Variants in LRRC18 observed in about 807,000 individuals in gnomAD.
The protein encoded by LRRC18 is leucine rich repeat containing 18.
LRRC18 carries 12 observed loss-of-function variants against 11.2 expected under a neutral mutation model. The ratio of observed to expected loss-of-function variants is 1.07; its 90% CI spans 0.69 to 1.74. The LOEUF (loss-of-function observed/expected upper bound fraction) is 1.74. Among genes scored for constraint, LRRC18 ranks in the 40% most tolerant of loss-of-function variants. The pLI, the probability that LRRC18 is intolerant of heterozygous loss-of-function variation, is 0.00. For synonymous variants in LRRC18, 155 were observed against 130.6 expected, an observed-to-expected ratio of 1.19 and a Z score of -1.27; for missense variants, 374 against 330.5, an observed-to-expected ratio of 1.13 and a Z score of -1.02.
At chr10:48,913,481 C>G (rs148385977) in exon 1 of LRRC18, 1 of 1,535,190 alleles carries the variant, frequency 6.5e-7, no homozygotes, top group Non-Finnish European at 8.8e-7. Flanking sequence ...TGGCCATGTT[C>G]TTGATTCTAT....
chr10:48,915,914 A>G (rs982011687), upstream of LRRC18, among the ~76,000 whole-genome samples: 6 of 152,222 alleles, frequency 3.9e-5, no homozygotes, highest in African/African-American at 1.4e-4. Context: ...CAGAGCCAGC[A>G]CCATGTTCAC....
the LRRC18 span, among the ~76,000 whole-genome samples, chr10:48,920,843 A>G: frequency 1.3e-5 from 2 of 152,228 alleles, no homozygotes; most frequent in African/African-American, 2.4e-5. Context: ...CAAAACACCC[A>G]TTGCATTTCC....
the LRRC18 span, among the ~76,000 whole-genome samples, chr10:48,937,332 C>A: frequency 6.6e-6 from 1 of 152,210 alleles, no homozygotes; most frequent in Non-Finnish European, 1.5e-5. Context: ...AGGTAGCTGG[C>A]ATTTCATACA....
At chr10:48,930,847 A>C in the LRRC18 span, among the ~76,000 whole-genome samples, 1 of 152,222 alleles carries the variant, frequency 6.6e-6, no homozygotes, top group African/African-American at 2.4e-5. Context: ...ATGTCATGTT[A>C]GTGAAAGAAA....
chr10:48,927,013 C>T, the LRRC18 span, among the ~76,000 whole-genome samples: 1 of 152,234 alleles, frequency 6.6e-6, no homozygotes, highest in Non-Finnish European at 1.5e-5. Flanking sequence ...CAACTGCATT[C>T]TCTGGTTCTC....
intron 1 of LRRC18, among the ~76,000 whole-genome samples, chr10:48,912,065 C>G (rs55645343): frequency 0.05 from 7,604 of 152,268 alleles, 236 homozygotes; most frequent in Non-Finnish European, 0.065. Context: ...GGGAAAAAAG[C>G]CTCCCTCAAG....
At chr10:48,927,287 G>T in the LRRC18 span, among the ~76,000 whole-genome samples, 2 of 152,070 alleles carry the variant, frequency 1.3e-5, no homozygotes, top group African/African-American at 2.4e-5. Flanking sequence ...TCATGCCCGT[G>T]TCTTCATAAA....
chr10:48,922,673 C>A, the LRRC18 span, among the ~76,000 whole-genome samples: 1 of 152,106 alleles, frequency 6.6e-6, no homozygotes, highest in Non-Finnish European at 1.5e-5. Context: ...GAACATATCA[C>A]CTGTGGGTAA....
At chr10:48,920,772 A>T in the LRRC18 span, among the ~76,000 whole-genome samples, 2 of 152,246 alleles carry the variant, frequency 1.3e-5, no homozygotes, top group Non-Finnish European at 2.9e-5. Context: ...ACAGAATTTT[A>T]AAAAGATTCT....
the LRRC18 span, among the ~76,000 whole-genome samples, chr10:48,923,681 C>T: frequency 2.6e-5 from 4 of 151,856 alleles, no homozygotes; most frequent in African/African-American, 9.7e-5. Flanking sequence ...TTTATCAACC[C>T]TCTGAGCAAC....
chr10:48,913,652 C>G (rs767039473), exon 1 of LRRC18: 2 of 1,613,678 alleles, frequency 1.2e-6, no homozygotes, highest in Non-Finnish European at 1.7e-6. Context: ...GCTTTTTCAG[C>G]TTGGGGAGCT....
At chr10:48,923,506 A>ATATGTATGTATG in the LRRC18 span, among the ~76,000 whole-genome samples, 2 of 115,168 alleles carry the variant, frequency 1.7e-5, no homozygotes, top group South Asian at 6.7e-4. Flanking sequence ...GTATATATAT[A>ATATGTATGTATG]TATATATGTC....
chr10:48,928,945 C>T, the LRRC18 span, among the ~76,000 whole-genome samples: 6 of 152,146 alleles, frequency 3.9e-5, no homozygotes, highest in East Asian at 1.9e-4. Flanking sequence ...ATGAAGGTCC[C>T]GCTCACATTC....
chr10:48,923,321 T>G, the LRRC18 span, among the ~76,000 whole-genome samples: 2 of 151,926 alleles, frequency 1.3e-5, no homozygotes, highest in Non-Finnish European at 2.9e-5. Flanking sequence ...AACTGTCTAC[T>G]GTGCTTGAGT....
chr10:48,917,319 G>C (rs1186607359), upstream of LRRC18, among the ~76,000 whole-genome samples: 2 of 152,076 alleles, frequency 1.3e-5, no homozygotes, highest in African/African-American at 4.8e-5. Context: ...AAACAGTTGT[G>C]GTGCAGAAAA....
chr10:48,929,079 G>A, the LRRC18 span, among the ~76,000 whole-genome samples: 1 of 152,208 alleles, frequency 6.6e-6, no homozygotes, highest in African/African-American at 2.4e-5. Flanking sequence ...TTTAGAAAGG[G>A]GGAGGCCAGG....
chr10:48,913,433 G>A (rs779872020), exon 1 of LRRC18: 32 of 1,613,040 alleles, frequency 2.0e-5, no homozygotes, highest in Non-Finnish European at 7.6e-6. Context: ...AATTGGGTGA[G>A]ATCAGATTGG....
rs752545012 is a variant in LRRC18, at chr10:48,914,127, C to T, written c.29G>A (p.Gly10Asp). ...GGCCACCTTGAGGGTGATCTTCTTG[C>T]CCTTGGGGCCTTTCTCACCCTTAAC... The change falls in exon 1 of 2, where the codon GGC becomes GAC. Residue 10 changes from glycine to aspartate, a missense_variant. Transcript: ENST00000374160. The T allele has an allele frequency of 5.6e-6, 9 of 1,613,906 alleles. No individual in the cohort carries two copies. Among genetic ancestry groups the T allele is most frequent in the Middle Eastern group, 1.7e-4 (1 of 6,040 alleles).
At chr10:48,924,024 C>CAGAG in the LRRC18 span, among the ~76,000 whole-genome samples, 1 of 152,238 alleles carries the variant, frequency 6.6e-6, no homozygotes, top group South Asian at 2.1e-4. Context: ...GAGCTGGCTA[C>CAGAG]AGAGAACTCC....
Sources: gnomAD v4.1 joint callset for allele counts (sites outside exome capture counted in the v4.1 genomes callset) on GRCh38, gnomAD v4.1.1 for gene constraint, MANE v1.5 for transcripts, NCBI Gene and HGNC (gene_info 2026-07-23, HGNC 2026-07-21) for gene names.